Variants in MLANA observed in about 807,000 individuals in gnomAD.
MLANA encodes melan-A.
A neutral mutation model predicts 15.7 loss-of-function variants in MLANA; 21 were observed. That is an observed-to-expected ratio of 1.33 (90% CI 0.95 to 1.92). MLANA has a LOEUF of 1.92. Ranked by LOEUF, MLANA falls within the 40% of genes most tolerant of loss-of-function variation. The pLI is 0.00. For synonymous variants in MLANA, 56 were observed against 51.5 expected (o/e 1.09, Z -0.37); for missense variants, 164 against 143.8 (o/e 1.14, Z -0.72).
At chr9:5,893,942 T>C (rs899055293) in intron 2 of MLANA, among the ~76,000 whole-genome samples, 1 of 132,206 alleles carries the variant, frequency 7.6e-6, no homozygotes, top group Non-Finnish European at 1.6e-5. Flanking sequence ...CTGGTGGGTA[T>C]CATTCTTGCT....
intron 3 of MLANA, among the ~76,000 whole-genome samples, chr9:5,906,298 C>G (rs1029684106): frequency 1.3e-5 from 2 of 149,802 alleles, no homozygotes; most frequent in Non-Finnish European, 3.0e-5. Flanking sequence ...CCATTATACT[C>G]CAGCCTGGGC....
At chr9:5,892,591 C>G in intron 2 of MLANA, 40 bp downstream of exon 2, 1 of 1,570,676 alleles carries the variant, frequency 6.4e-7, no homozygotes, top group Non-Finnish European at 8.7e-7. Flanking sequence ...TCCAGTTTGC[C>G]GTTTGCTGAC....
intron 1 of MLANA, among the ~76,000 whole-genome samples, chr9:5,891,484 G>A (rs564121880): frequency 6.6e-6 from 1 of 152,218 alleles, no homozygotes; most frequent in East Asian, 1.9e-4. Context: ...GTCATGTGTC[G>A]AAATCCCCAC....
intron 2 of MLANA, 47 bp from the exon 3 acceptor site, chr9:5,897,510 G>C: frequency 1.3e-6 from 2 of 1,519,228 alleles, no homozygotes; most frequent in Admixed American, 1.7e-5. Flanking sequence ...TCATAATGTA[G>C]AACAATGTTT....
rs10975345 is a variant in MLANA at position 5,906,430 on chromosome 9, C to G, written c.175-455C>G. Among the ~76,000 whole-genome samples, 359 of 152,156 alleles carry G rather than the reference C, an allele frequency of 2.4e-3. 1 individual carries two copies. The highest frequency in any genetic ancestry group is 8.1e-3 in the African/African-American group (338 of 41,522). On this transcript the variant is annotated intron_variant, in intron 3 of 4. Coordinates refer to ENST00000381477, the MANE Select transcript of MLANA (RefSeq NM_005511.2). Reference sequence around the variant, plus strand: ...TCTTCCTTTATGTAGGTACAAGGTTCTGACCTATGTTATTTTCTTTTTCTC... The same window carrying G: ...TCTTCCTTTATGTAGGTACAAGGTTGTGACCTATGTTATTTTCTTTTTCTC...
intron 3 of MLANA, among the ~76,000 whole-genome samples, chr9:5,902,219 T>G (rs1832476933): frequency 6.7e-6 from 1 of 150,304 alleles, no homozygotes; most frequent in Non-Finnish European, 1.5e-5. Context: ...TAGTTCTTCT[T>G]GCGTGGATTT....
chr9:5,893,164 A>T (rs563123355), intron 2 of MLANA, among the ~76,000 whole-genome samples: 1 of 152,236 alleles, frequency 6.6e-6, no homozygotes, highest in African/African-American at 2.4e-5. Flanking sequence ...AAAAACTCAC[A>T]ACTTAGTGGG....
At chr9:5,898,512 T>C (rs1586933521) in intron 3 of MLANA, among the ~76,000 whole-genome samples, 1 of 152,150 alleles carries the variant, frequency 6.6e-6, no homozygotes, top group Non-Finnish European at 1.5e-5. Context: ...ATACACGAAT[T>C]TTGGGGGACA....
At chr9:5,902,109 T>G (rs1832467417) in intron 3 of MLANA, among the ~76,000 whole-genome samples, 1 of 152,212 alleles carries the variant, frequency 6.6e-6, no homozygotes, top group Non-Finnish European at 1.5e-5. Flanking sequence ...AAATGTTTGG[T>G]AGAACTCACC....
intron 2 of MLANA, 42 bp from the exon 3 acceptor site, chr9:5,897,515 A>G: frequency 6.5e-7 from 1 of 1,533,500 alleles, no homozygotes; most frequent in Non-Finnish European, 9.0e-7. Flanking sequence ...ATGTAGAACA[A>G]TGTTTCAATG....
At chr9:5,892,975 TGA>T (rs1488465982) in intron 2 of MLANA, among the ~76,000 whole-genome samples, 3 of 152,172 alleles carry the variant, frequency 2.0e-5, no homozygotes, top group Admixed American at 2.0e-4. Context: ...CAGGTGTGTG[TGA>T]CTCAGCCCAC....
At chr9:5,896,942 G>A (rs1832065968) in intron 2 of MLANA, among the ~76,000 whole-genome samples, 1 of 152,190 alleles carries the variant, frequency 6.6e-6, no homozygotes, top group African/African-American at 2.4e-5. Flanking sequence ...AGGGAAGGGA[G>A]GGCACGAACA....
chr9:5,906,906 A>C lies in MLANA; in HGVS notation c.196A>C (p.Thr66Pro). ...ALMDKSLHVG[T>P]QCALTRRCPQ... ...TCAGGATAAAAGTCTTCATGTTGGC[A>C]CTCAATGTGCCTTAACAAGAAGATG... Residue 66 changes from threonine (T) to proline (P), a missense_variant, in exon 4 of 5, where the codon ACT (threonine) becomes CCT (proline). Transcript: ENST00000381477. 1.3e-6 allele frequency: 2 copies of C among 1,585,522 alleles called. No homozygotes were observed. The highest frequency in any genetic ancestry group is 1.7e-6 in the Non-Finnish European group (2 of 1,169,010).
intron 3 of MLANA, among the ~76,000 whole-genome samples, chr9:5,906,544 A>G (rs1247338246): frequency 3.9e-5 from 6 of 152,198 alleles, no homozygotes; most frequent in Non-Finnish European, 8.8e-5. Flanking sequence ...TTTCTGCTTC[A>G]CTATTGATGG....
At chr9:5,897,674 T>C (rs1489076495) in intron 3 of MLANA, 21 bp downstream of exon 3, 1 of 1,592,716 alleles carries the variant, frequency 6.3e-7, no homozygotes. Context: ...TTCCCACTGC[T>C]GAAATCCCTC....
At chr9:5,898,484 T>C (rs886401637) in intron 3 of MLANA, among the ~76,000 whole-genome samples, 3 of 152,156 alleles carry the variant, frequency 2.0e-5, no homozygotes, top group African/African-American at 4.8e-5. Context: ...CATTGTTGCA[T>C]TGGGGATTAA....
intron 3 of MLANA, among the ~76,000 whole-genome samples, chr9:5,900,546 T>C (rs1295879434): frequency 2.6e-5 from 4 of 152,214 alleles, no homozygotes; most frequent in African/African-American, 9.6e-5. Context: ...ATTTTCATTT[T>C]AAAGCAAAGG....
At position 5,894,012 on chromosome 9, in the gene MLANA, G is replaced by T. The variant is rs367673728; in HGVS notation, c.77+1461G>T. Among the ~76,000 whole-genome samples, 1 of 151,742 alleles carries T rather than the reference G, an allele frequency of 6.6e-6. No individual in the cohort carries two copies. Among genetic ancestry groups the T allele is most frequent in the Non-Finnish European group, 1.5e-5 (1 of 68,002 alleles). ...GAAATGTGTGGCCAGACATGGTGGC[G>T]CTGGGATTTAAATCCAGGTCTGTTT... is the stretch of plus-strand genomic sequence containing the variant. On this transcript the variant is annotated intron_variant, in intron 2 of 4. Coordinates refer to ENST00000381477, the MANE Select transcript of MLANA (RefSeq NM_005511.2). The surrounding 1 kb of genome is among the most constrained non-coding windows in gnomAD (Gnocchi z 4.0).
intron 2 of MLANA, among the ~76,000 whole-genome samples, chr9:5,895,944 G>C (rs1464182329): frequency 1.3e-5 from 2 of 152,238 alleles, no homozygotes; most frequent in Non-Finnish European, 2.9e-5. Context: ...GGACGCCACA[G>C]GGTAAAATGA....
Sources: gnomAD v4.1 joint callset for allele counts (sites outside exome capture counted in the v4.1 genomes callset) on GRCh38, gnomAD v4.1.1 for gene constraint, Gnocchi (gnomAD v3.1) non-coding constraint, MANE v1.5 for transcripts, NCBI Gene and HGNC (gene_info 2026-07-23, HGNC 2026-07-21) for gene names.